The following SHANK2 variants were observed in gnomAD, a reference collection of about 807,000 sequenced individuals.
The protein encoded by SHANK2 is SH3 and multiple ankyrin repeat domains protein 2.
Under a neutral mutation model 133.7 loss-of-function variants are expected in SHANK2, and 43 were observed. That is an observed-to-expected ratio of 0.32 (90% CI 0.25 to 0.41). The LOEUF is 0.41. SHANK2 is among the 10% of genes least tolerant of loss of function. The probability of loss-of-function intolerance (pLI) is 1.00; values close to 1 mark genes in which losing one functional copy is unlikely to be tolerated. For missense variants in SHANK2, 1,994 were observed against 2,235.8 expected, an observed-to-expected ratio of 0.89 and a Z score of 2.18; for synonymous variants, 1,017 against 952.8, an observed-to-expected ratio of 1.07 and a Z score of -1.24.
chr11:70,636,515 G>A (rs151157600), intron 17 of SHANK2, among the ~76,000 whole-genome samples: 2 of 149,406 alleles, frequency 1.3e-5, no homozygotes, highest in Admixed American at 6.7e-5. Flanking sequence ...GGATGCATGA[G>A]AATGTGTGAA....
intron 14 of SHANK2, among the ~76,000 whole-genome samples, chr11:70,701,902 TCCATCATCACCA>T (rs1180381076): frequency 3.3e-5 from 5 of 150,760 alleles, no homozygotes; most frequent in African/African-American, 1.2e-4. Flanking sequence ...ACCACCACCC[TCCATCATCACCA>T]CCATCATCAC....
At chr11:71,072,000 A>T (rs1951149290) in intron 9 of SHANK2, among the ~76,000 whole-genome samples, 1 of 152,216 alleles carries the variant, frequency 6.6e-6, no homozygotes, top group East Asian at 1.9e-4. Flanking sequence ...TCTGCCGCTT[A>T]GTGTAGCATC....
At chr11:70,522,206 AT>A (rs2059338979) in intron 17 of SHANK2, among the ~76,000 whole-genome samples, 1 of 152,192 alleles carries the variant, frequency 6.6e-6, no homozygotes, top group African/African-American at 2.4e-5. Context: ...TGCAGCCGCC[AT>A]CGCCGTTTCT....
At chr11:70,831,241 G>A (rs1948720351) in intron 11 of SHANK2, among the ~76,000 whole-genome samples, 1 of 151,774 alleles carries the variant, frequency 6.6e-6, no homozygotes, top group African/African-American at 2.4e-5. Flanking sequence ...CTGCCCGCAC[G>A]CCCACCCATC....
chr11:70,708,774 G>A (rs574063391), intron 14 of SHANK2, among the ~76,000 whole-genome samples: 3 of 152,276 alleles, frequency 2.0e-5, no homozygotes, highest in East Asian at 1.9e-4. Flanking sequence ...CAAGTGCTAC[G>A]TCCCAAATTT....
intron 17 of SHANK2, chr11:70,571,223 A>C (rs1554982992): frequency 6.6e-6 from 1 of 152,326 alleles, no homozygotes; most frequent in African/African-American, 2.4e-5. Flanking sequence ...TGCCCTGCAG[A>C]AGATGGCATT....
At chr11:70,718,570 G>A (rs935263159) in intron 14 of SHANK2, among the ~76,000 whole-genome samples, 5 of 152,324 alleles carry the variant, frequency 3.3e-5, no homozygotes, top group Middle Eastern at 6.8e-3. Context: ...TGGGGGCTGA[G>A]CCTCCTTCCA....
rs1188935157 is a variant in SHANK2, at chr11:70,504,415, C to T, written c.2062-1484G>A. 3.3e-5 allele frequency among the ~76,000 whole-genome samples: 5 copies of T among 150,732 alleles called. No individual in the cohort carries two copies. In the South Asian group the frequency reaches 8.4e-4, roughly 25 times the overall value. ...GTTTTGGTCACCTACGAGACGGCTG[C>T]AGAGGTCCTCCAGGCAGGGCTGCGA... is the stretch of plus-strand genomic sequence containing the variant. On this transcript the variant is annotated intron_variant, in intron 17 of 25. Coordinates refer to ENST00000601538, the MANE Select transcript of SHANK2 (RefSeq NM_012309.5).
Position 70,827,690 on chromosome 11 carries a change from A to AACACAC in SHANK2, c.1175-7014_1175-7009dup, listed in dbSNP as rs113156725. Among the ~76,000 whole-genome samples, 1,217 of 130,480 alleles carry AACACAC rather than the reference A, an allele frequency of 9.3e-3. 22 individuals are homozygous for AACACAC. The highest frequency in any genetic ancestry group is 0.034 in the African/African-American group (1,142 of 33,552). 85.6% of individuals were successfully genotyped at this position (130,480 alleles called of 152,430 possible). A position where few individuals can be genotyped will look rare whatever the true frequency, so the allele number is the denominator to read the frequency against. ...TAAGAGAACTGCTTCAGAAATTTAA[A>AACACAC]ACACACACACACACACACACACACA... On this transcript the variant is annotated intron_variant, in intron 11 of 25. Coordinates refer to ENST00000601538, the MANE Select transcript of SHANK2 (RefSeq NM_012309.5).
chr11:71,057,380 ATTGT>A (rs1950933404), intron 9 of SHANK2, among the ~76,000 whole-genome samples: 1 of 152,068 alleles, frequency 6.6e-6, no homozygotes, highest in African/African-American at 2.4e-5. Context: ...CCCCAATAAT[ATTGT>A]TTAAGTTCAT....
intron 11 of SHANK2, among the ~76,000 whole-genome samples, chr11:70,837,334 G>A (rs1228191128): frequency 6.6e-6 from 1 of 152,046 alleles, no homozygotes; most frequent in Non-Finnish European, 1.5e-5. Context: ...CCTCCCACTG[G>A]CCTGGACACA....
intron 17 of SHANK2, among the ~76,000 whole-genome samples, chr11:70,621,300 T>C (rs2060825862): frequency 6.6e-6 from 1 of 152,186 alleles, no homozygotes; most frequent in Non-Finnish European, 1.5e-5. Context: ...ATTTTGCAGA[T>C]GAGGAAACCG....
chr11:70,953,222 A>G (rs1950870999), intron 10 of SHANK2, among the ~76,000 whole-genome samples: 1 of 152,100 alleles, frequency 6.6e-6, no homozygotes, highest in South Asian at 2.1e-4. Context: ...TGGATCCCTC[A>G]TGAACAGATC....
chr11:70,693,800 A>G (rs1945336734), intron 15 of SHANK2, among the ~76,000 whole-genome samples: 1 of 152,088 alleles, frequency 6.6e-6, no homozygotes, highest in South Asian at 2.1e-4. Flanking sequence ...GGGGGAGTGA[A>G]CAGATAAATG....
rs551103551 is a variant in SHANK2 at position 70,832,993 on chromosome 11, C to CCAGCGTCCT, written c.1175-12320_1175-12312dup. 3.0e-3 allele frequency among the ~76,000 whole-genome samples: 459 copies of CCAGCGTCCT among 152,334 alleles called. 2 individuals are homozygous for CCAGCGTCCT. Among genetic ancestry groups the CCAGCGTCCT allele is most frequent in the Non-Finnish European group, 3.8e-3 (260 of 68,032 alleles). ...TCACTGCATCTGCAGAGCAGCCTGG[C>CCAGCGTCCT]CAGCGTCCTCAGCGTCCTCACTGCA... On this transcript the variant is annotated intron_variant, in intron 11 of 25. Transcript: ENST00000601538.
intron 1 of SHANK2, among the ~76,000 whole-genome samples, chr11:71,228,924 G>C (rs1954689000): frequency 6.6e-6 from 1 of 152,054 alleles, no homozygotes. Flanking sequence ...TTATTCTAGG[G>C]ATGCCAGGCT....
At position 70,502,886 on chromosome 11, in the gene SHANK2, T is replaced by A; in HGVS notation, c.2107A>T (p.Asn703Tyr). 6.2e-7 allele frequency: 1 copy of A among 1,614,136 alleles called. No homozygotes were observed. The change falls in exon 18 of 26, where the codon AAC becomes TAC. Residue 703 changes from asparagine to tyrosine, a missense_variant. Asn to Tyr is a moderately radical substitution (Grantham distance 143). Transcript: ENST00000601538. ...VVKVGHRQVVNMIRQGGNHLV... is the reference protein window; with the variant it reads ...VVKVGHRQVVYMIRQGGNHLV... ...TGATTCCCTCCCTGCCGGATCATGTTCACCACCTGCCTGTGGCCGACTTTG... is the reference window on the plus strand; with the variant it reads ...TGATTCCCTCCCTGCCGGATCATGTACACCACCTGCCTGTGGCCGACTTTG...
chr11:71,175,588 GAGAGAGAGAGAGAGAC>G lies in SHANK2; in HGVS notation c.-12-28266_-12-28251del, dbSNP rs1429947841. On this transcript the variant is annotated intron_variant, in intron 2 of 25. Coordinates refer to ENST00000601538, the MANE Select transcript of SHANK2 (RefSeq NM_012309.5). This position sits in a 1 kb window ranked among gnomAD's most constrained non-coding sequence, Gnocchi z 4.2. ...AGAGAGAGAGAGAGAGAGAGAGAGAGAGAGAGAGAGAGAGACAGAGACAGAGACATCGCTTCCAGCC... is the reference window on the plus strand; with the variant it reads ...AGAGAGAGAGAGAGAGAGAGAGAGAGAGAGACAGAGACATCGCTTCCAGCC... Among the ~76,000 whole-genome samples the G allele has an allele frequency of 3.1e-4, 46 of 146,512 alleles. No individual in the cohort carries two copies. The highest frequency in any genetic ancestry group is 7.1e-4 in the African/African-American group (28 of 39,514).
intron 25 of SHANK2, among the ~76,000 whole-genome samples, chr11:70,475,878 G>A (rs2058656084): frequency 6.6e-6 from 1 of 152,168 alleles, no homozygotes; most frequent in Admixed American, 6.5e-5. Flanking sequence ...CACAAGGCAG[G>A]TGAGACTCTG....
Sources: allele counts gnomAD v4.1 joint callset (sites outside exome capture counted in the v4.1 genomes callset), GRCh38; gene constraint gnomAD v4.1.1; non-coding constraint Gnocchi (gnomAD v3.1); transcripts MANE v1.5; gene names NCBI Gene and HGNC (gene_info 2026-07-23, HGNC 2026-07-21).